Variants in CNTNAP2 observed in about 807,000 individuals in gnomAD.
The protein encoded by CNTNAP2 is contactin-associated protein-like 2.
A neutral mutation model predicts 155.2 loss-of-function variants in CNTNAP2; 98 were observed. The ratio of observed to expected loss-of-function variants is 0.63; its 90% CI spans 0.54 to 0.75. CNTNAP2 has a LOEUF of 0.75. Ranked by LOEUF, CNTNAP2 falls within the 30% of genes least tolerant of loss-of-function variation. CNTNAP2 has a pLI of 0.00. For missense variants in CNTNAP2, 1,727 were observed against 1,688.1 expected, an observed-to-expected ratio of 1.02 and a Z score of -0.40; for synonymous variants, 651 against 631.2, an observed-to-expected ratio of 1.03 and a Z score of -0.47.
At chr7:148,096,479 C>T (rs765082975) in intron 15 of CNTNAP2, among the ~76,000 whole-genome samples, 6 of 151,860 alleles carry the variant, frequency 4.0e-5, no homozygotes, top group Non-Finnish European at 8.8e-5. Flanking sequence ...TTAATTTAGA[C>T]CATAAAAACA....
chr7:147,938,244 G>A (rs1415512280), intron 14 of CNTNAP2, among the ~76,000 whole-genome samples: 1 of 152,078 alleles, frequency 6.6e-6, no homozygotes, highest in Non-Finnish European at 1.5e-5. Flanking sequence ...GTAAAAATAT[G>A]CATATAAAAA....
chr7:146,716,544 T>C (rs1585055260), intron 1 of CNTNAP2, among the ~76,000 whole-genome samples: 1 of 152,176 alleles, frequency 6.6e-6, no homozygotes, highest in Non-Finnish European at 1.5e-5. Context: ...GAGAGAAGCA[T>C]TGGTGTTGTA....
intron 1 of CNTNAP2, among the ~76,000 whole-genome samples, chr7:146,366,750 A>G (rs1376006543): frequency 6.6e-6 from 1 of 152,164 alleles, no homozygotes; most frequent in Non-Finnish European, 1.5e-5. Flanking sequence ...TGCACTGAAT[A>G]TAAGAATTGT....
intron 15 of CNTNAP2, among the ~76,000 whole-genome samples, chr7:148,027,537 C>T (rs11764815): frequency 0.32 from 49,217 of 152,010 alleles, 9,596 homozygotes; most frequent in East Asian, 0.77. Context: ...TCTGGTCCCT[C>T]ATTTTCCTAC....
chr7:146,195,645 C>G (rs763331561), intron 1 of CNTNAP2, among the ~76,000 whole-genome samples: 1 of 152,114 alleles, frequency 6.6e-6, no homozygotes, highest in Non-Finnish European at 1.5e-5. Flanking sequence ...AACTGCTAAA[C>G]TAAGAACAAT....
chr7:146,525,179 C>T (rs1797670514), intron 1 of CNTNAP2, among the ~76,000 whole-genome samples: 1 of 151,642 alleles, frequency 6.6e-6, no homozygotes, highest in Non-Finnish European at 1.5e-5. Context: ...TTGTTTGGGC[C>T]CTGGTAATCC....
At chr7:147,853,900 G>A (rs764445237) in intron 13 of CNTNAP2, among the ~76,000 whole-genome samples, 13 of 152,178 alleles carry the variant, frequency 8.5e-5, no homozygotes, top group Non-Finnish European at 1.6e-4. Context: ...GTTTGACTTA[G>A]TGTAGAAAGA....
rs1554450390 is a variant in CNTNAP2, at chr7:147,925,188, A to AAGGAAGG, written c.2255+21469_2255+21475dup. Among the ~76,000 whole-genome samples, 656 of 150,134 alleles carry AAGGAAGG rather than the reference A, an allele frequency of 4.4e-3. 16 individuals are homozygous for AAGGAAGG. The highest frequency in any genetic ancestry group is 0.015 in the African/African-American group (619 of 40,508). On this transcript the variant is annotated intron_variant, in intron 14 of 23. Coordinates refer to ENST00000361727, the MANE Select transcript of CNTNAP2 (RefSeq NM_014141.6). Reference sequence around the variant, plus strand: ...GAAGGAAGGAAGGAAGGAAGGAAGGAAGGAAGGAAGGAAGGAAGGAAAGAA... The same window carrying AAGGAAGG: ...GAAGGAAGGAAGGAAGGAAGGAAGGAAGGAAGGAGGAAGGAAGGAAGGAAGGAAAGAA...
At chr7:146,731,669 G>A (rs1306887573) in intron 1 of CNTNAP2, among the ~76,000 whole-genome samples, 2 of 151,972 alleles carry the variant, frequency 1.3e-5, no homozygotes, top group Non-Finnish European at 2.9e-5. Context: ...TTAAACTAAG[G>A]TCTTTCAAGA....
intron 8 of CNTNAP2, among the ~76,000 whole-genome samples, chr7:147,226,400 A>C (rs1327375184): frequency 6.6e-6 from 1 of 152,150 alleles, no homozygotes; most frequent in African/African-American, 2.4e-5. Flanking sequence ...GTCTAAAAAC[A>C]ATCATTTATA....
chr7:147,979,948 T>TA (rs903155717), intron 15 of CNTNAP2, among the ~76,000 whole-genome samples: 5 of 151,896 alleles, frequency 3.3e-5, no homozygotes, highest in South Asian at 2.1e-4. Context: ...TTACCATTCT[T>TA]AAAAAAAAGA....
At chr7:147,571,552 C>T (rs1800292342) in intron 12 of CNTNAP2, among the ~76,000 whole-genome samples, 1 of 151,956 alleles carries the variant, frequency 6.6e-6, no homozygotes, top group South Asian at 2.1e-4. Context: ...CTGAATCTAA[C>T]AAAATCTTGT....
intron 1 of CNTNAP2, among the ~76,000 whole-genome samples, chr7:146,520,254 G>T (rs1234229994): frequency 6.7e-6 from 1 of 148,150 alleles, no homozygotes; most frequent in Non-Finnish European, 1.5e-5. Context: ...AAATATTACA[G>T]TATTCGGGCA....
At chr7:147,731,567 A>G (rs1186683097) in intron 13 of CNTNAP2, among the ~76,000 whole-genome samples, 1 of 152,104 alleles carries the variant, frequency 6.6e-6, no homozygotes, top group Non-Finnish European at 1.5e-5. Context: ...TCTGATGGAG[A>G]TATACAAGAA....
chr7:148,224,217 A>T (rs1054476668), intron 19 of CNTNAP2, among the ~76,000 whole-genome samples: 1 of 152,174 alleles, frequency 6.6e-6, no homozygotes, highest in African/African-American at 2.4e-5. Flanking sequence ...TAAGGCAGAG[A>T]GTAAAAACCT....
At chr7:147,177,952 G>T (rs1263298314) in intron 8 of CNTNAP2, among the ~76,000 whole-genome samples, 2 of 152,008 alleles carry the variant, frequency 1.3e-5, no homozygotes, top group Non-Finnish European at 2.9e-5. Flanking sequence ...GTATGATCCT[G>T]ATCACCCACC....
chr7:147,486,889 CTG>C (rs10544219), intron 11 of CNTNAP2, among the ~76,000 whole-genome samples: 22,927 of 146,778 alleles, frequency 0.16, 1,908 homozygotes, highest in East Asian at 0.3. Flanking sequence ...ACGTATGTGC[CTG>C]TGTGTGTGTG....
intron 18 of CNTNAP2, among the ~76,000 whole-genome samples, chr7:148,206,115 T>A (rs1233335012): frequency 2.6e-5 from 4 of 151,208 alleles, no homozygotes; most frequent in East Asian, 1.9e-4. Context: ...ATATATATAT[T>A]TTTTTATAGA....
At chr7:146,601,003 T>C (rs138460977) in intron 1 of CNTNAP2, among the ~76,000 whole-genome samples, 2,109 of 152,260 alleles carry the variant, frequency 0.014, 32 homozygotes, top group Middle Eastern at 0.051. Context: ...TTATACTCTC[T>C]AAGAAACTAA....
Sources: allele counts gnomAD v4.1 joint callset (sites outside exome capture counted in the v4.1 genomes callset), GRCh38; gene constraint gnomAD v4.1.1; transcripts MANE v1.5; gene names NCBI Gene and HGNC (gene_info 2026-07-23, HGNC 2026-07-21).